RASGRF1: variants seen among roughly 807,000 people sequenced by gnomAD.
The protein encoded by RASGRF1 is ras-specific guanine nucleotide-releasing factor 1.
RASGRF1 carries 40 observed loss-of-function variants against 138.7 expected under a neutral mutation model. That is an observed-to-expected ratio of 0.29 (90% confidence interval 0.22 to 0.38). The LOEUF (loss-of-function observed/expected upper bound fraction) is 0.38. Ranked by LOEUF, RASGRF1 falls within the 10% of genes least tolerant of loss-of-function variation. The pLI is 1.00. For missense variants in RASGRF1, 1,108 were observed against 1,650.4 expected (o/e 0.67, Z 5.69); for synonymous variants, 614 against 663.2 (o/e 0.93, Z 1.14).
At chr15:79,069,985 T>C (rs1290600189) in intron 1 of RASGRF1, among the ~76,000 whole-genome samples, 1 of 152,146 alleles carries the variant, frequency 6.6e-6, no homozygotes, top group African/African-American at 2.4e-5. Flanking sequence ...TTCCCTGCCA[T>C]GAGCTGACAC....
intron 2 of RASGRF1, among the ~76,000 whole-genome samples, chr15:79,059,492 G>T: frequency 6.7e-6 from 1 of 149,940 alleles, no homozygotes; most frequent in East Asian, 2.0e-4. Context: ...CAGACTCACA[G>T]ACTCTCAGAG....
intron 5 of RASGRF1, among the ~76,000 whole-genome samples, chr15:79,041,480 G>C (rs4617827): frequency 3.3e-5 from 5 of 152,200 alleles, no homozygotes; most frequent in Admixed American, 6.5e-5. Context: ...GAGAAGCATA[G>C]GGGCTCTGGG....
At chr15:79,070,360 T>C (rs2057739112) in intron 1 of RASGRF1, among the ~76,000 whole-genome samples, 1 of 152,216 alleles carries the variant, frequency 6.6e-6, no homozygotes, top group African/African-American at 2.4e-5. Flanking sequence ...GGGAGACAGA[T>C]GCTTCAGTTC....
intron 1 of RASGRF1, among the ~76,000 whole-genome samples, chr15:79,065,915 C>T (rs1221589246): frequency 9.8e-6 from 1 of 102,422 alleles, no homozygotes; most frequent in Non-Finnish European, 2.0e-5. Context: ...AAGTGGGGGG[C>T]GGGGGGAATG....
intron 1 of RASGRF1, among the ~76,000 whole-genome samples, chr15:79,080,255 C>T (rs995342845): frequency 1.3e-5 from 2 of 152,234 alleles, no homozygotes; most frequent in African/African-American, 2.4e-5. Flanking sequence ...CCAGCCCTTC[C>T]CTCCAACTCC....
intron 16 of RASGRF1, 83 bp downstream of exon 16, chr15:79,001,579 A>G (rs1308011585): frequency 5.4e-6 from 8 of 1,482,140 alleles, no homozygotes; most frequent in Non-Finnish European, 7.4e-6. Flanking sequence ...AAGGGATGAC[A>G]CCCACTTGCC....
chr15:79,031,336 G>T (rs1180391101), intron 8 of RASGRF1, 64 bp downstream of exon 8: 3 of 1,299,128 alleles, frequency 2.3e-6, no homozygotes, highest in Non-Finnish European at 3.2e-6. Context: ...GCGAACTCCT[G>T]GTGAGGGGCA....
At chr15:79,070,781 C>G (rs1480022879) in intron 1 of RASGRF1, among the ~76,000 whole-genome samples, 1 of 152,210 alleles carries the variant, frequency 6.6e-6, no homozygotes, top group Non-Finnish European at 1.5e-5. Flanking sequence ...CCTTGGCAAG[C>G]TTGGGTGCCT....
intron 8 of RASGRF1, among the ~76,000 whole-genome samples, chr15:79,029,503 C>G (rs993404787): frequency 2.6e-5 from 4 of 152,100 alleles, no homozygotes; most frequent in African/African-American, 9.7e-5. Flanking sequence ...GACCCATATG[C>G]GCACACAGCT....
chr15:78,973,324 G>A lies in RASGRF1; in HGVS notation c.3591C>T (p.Val1197=), dbSNP rs759952767. The A allele has an allele frequency of 1.9e-6, 3 of 1,612,706 alleles. No individual in the cohort carries two copies. The highest frequency in any genetic ancestry group is 2.5e-6 in the Non-Finnish European group (3 of 1,179,008). Residue 1197 remains valine (V), a synonymous_variant, in exon 25 of 27, where the codon GTC becomes GTT. Transcript: ENST00000558480. This position sits in a 1 kb window ranked among gnomAD's most constrained non-coding sequence, Gnocchi z 4.9. ...GCACCATCCTCATCTTGGAGAAGTT[G>A]ACCAGGCCGTCTTCCGTGTAATTGG... ...GTPNYTEDGL[V]NFSKMRMISH... is the part of the protein sequence containing the mutation.
chr15:78,964,673 CA>C (rs2055609149), intron 26 of RASGRF1, among the ~76,000 whole-genome samples: 1 of 152,190 alleles, frequency 6.6e-6, no homozygotes, highest in Non-Finnish European at 1.5e-5. Flanking sequence ...CACAGACCCT[CA>C]AATACTGCTG....
At chr15:79,083,484 C>T (rs750162598) in intron 1 of RASGRF1, among the ~76,000 whole-genome samples, 2 of 152,212 alleles carry the variant, frequency 1.3e-5, no homozygotes, top group Non-Finnish European at 2.9e-5. Flanking sequence ...GTGCGCTTCC[C>T]ATCAATGCTC....
At chr15:78,969,935 G>C (rs1234654393) in intron 26 of RASGRF1, among the ~76,000 whole-genome samples, 1 of 152,192 alleles carries the variant, frequency 6.6e-6, no homozygotes, top group Non-Finnish European at 1.5e-5. Context: ...TGTGGAGTGA[G>C]AGAATGAATG....
chr15:79,055,029 G>T (rs997285), intron 3 of RASGRF1, among the ~76,000 whole-genome samples: 36,119 of 152,116 alleles, frequency 0.24, 4,609 homozygotes, highest in African/African-American at 0.28. Context: ...TATGTACTCT[G>T]TTATCAAGGT....
At chr15:79,049,355 G>A in intron 4 of RASGRF1, 141 bp downstream of exon 4, 1 of 748,888 alleles carries the variant, frequency 1.3e-6, no homozygotes, top group Non-Finnish European at 2.3e-6. Flanking sequence ...AGGGAGTGTG[G>A]GCTCTGTCTT....
intron 13 of RASGRF1, among the ~76,000 whole-genome samples, chr15:79,015,059 T>C (rs980055743): frequency 1.3e-5 from 2 of 151,568 alleles, no homozygotes; most frequent in Non-Finnish European, 2.9e-5. Context: ...AAGAACTTAC[T>C]CATGTAACCA....
At chr15:79,014,958 A>G (rs2056856415) in intron 13 of RASGRF1, among the ~76,000 whole-genome samples, 1 of 151,568 alleles carries the variant, frequency 6.6e-6, no homozygotes. Context: ...AAAACAAACA[A>G]AACAAAACAA....
At chr15:79,020,960 G>A (rs2056952336) in intron 10 of RASGRF1, among the ~76,000 whole-genome samples, 1 of 152,214 alleles carries the variant, frequency 6.6e-6, no homozygotes, top group Non-Finnish European at 1.5e-5. Context: ...GCTGTCTCTT[G>A]CATCACCTGT....
rs554254176 is a variant in RASGRF1, at chr15:79,017,879, T to C, written c.1634A>G (p.His545Arg). 6.2e-7 allele frequency: 1 copy of C among 1,613,604 alleles called. No individual in the cohort carries two copies. The highest frequency in any genetic ancestry group is 2.2e-5 in the East Asian group (1 of 44,854). The change falls in exon 12 of 27, where the codon CAC becomes CGC. Residue 545 changes from histidine (H) to arginine (R), a missense_variant. His to Arg is a conservative substitution (Grantham distance 29). This residue lies in a region of RASGRF1 where 686 missense variants were observed against 976.7 expected (regional missense o/e 0.70). Coordinates refer to ENST00000558480, the MANE Select transcript of RASGRF1 (RefSeq NM_001145648.3). ...EAKGSGQDIDHLDFKIGVEPK... is the reference protein window; with the variant it reads ...EAKGSGQDIDRLDFKIGVEPK... Reference sequence around the variant, plus strand: ...CTCCACCCCGATTTTAAAATCCAAGTGATCTATGTCTTGGCCGGATCCTTT... The same window carrying C: ...CTCCACCCCGATTTTAAAATCCAAGCGATCTATGTCTTGGCCGGATCCTTT...
Sources: gnomAD v4.1 joint callset for allele counts (sites outside exome capture counted in the v4.1 genomes callset) on GRCh38, gnomAD v4.1.1 for gene constraint, gnomAD v4.1.1 regional missense constraint, Gnocchi (gnomAD v3.1) non-coding constraint, MANE v1.5 for transcripts, NCBI Gene and HGNC (gene_info 2026-07-23, HGNC 2026-07-21) for gene names.